NTM: variants seen among roughly 807,000 people sequenced by gnomAD.
The protein encoded by NTM is neurotrimin, also known as IgLON family member 2.
NTM carries 13 observed loss-of-function variants against 42.1 expected under a neutral mutation model. The ratio of observed to expected loss-of-function variants is 0.31; its 90% confidence interval spans 0.20 to 0.49. The LOEUF (loss-of-function observed/expected upper bound fraction) is 0.49, where lower values mean the gene tolerates loss of function less well. Ranked by LOEUF, NTM falls within the 20% of genes least tolerant of loss-of-function variation. NTM has a pLI of 0.99. For synonymous variants in NTM, 187 were observed against 179.2 expected (o/e 1.04, Z -0.35); for missense variants, 373 against 452.8 (o/e 0.82, Z 1.60).
At chr11:131,964,528 G>C (rs2062591603) in intron 2 of NTM, among the ~76,000 whole-genome samples, 1 of 152,154 alleles carries the variant, frequency 6.6e-6, no homozygotes. Context: ...TATTAAGCAA[G>C]TAGAGAAATT....
intron 1 of NTM, among the ~76,000 whole-genome samples, chr11:131,827,979 A>C (rs924127860): frequency 1.1e-4 from 16 of 152,104 alleles, no homozygotes; most frequent in African/African-American, 3.6e-4. Context: ...TTACTTTTCT[A>C]CATTTTGTAG....
chr11:131,540,148 A>C (rs2052981985), intron 1 of NTM, among the ~76,000 whole-genome samples: 1 of 141,056 alleles, frequency 7.1e-6, no homozygotes, highest in Non-Finnish European at 1.5e-5. Context: ...AAAGCTATTT[A>C]AGCTTGTTTT....
rs375888157 is a variant in NTM at position 132,213,835 on chromosome 11, C to T, written c.526+1688C>T. On this transcript the variant is annotated intron_variant, in intron 4 of 8. Coordinates refer to ENST00000683400, the MANE Select transcript of NTM (RefSeq NM_001352005.2). The stretch of plus-strand genomic sequence containing the variant: ...CTGCAAGCTCCGCCTCCCGGGTTCA[C>T]GCCATTCTCCCGCCTCAGCCTCCCA... 1.3e-4 allele frequency among the ~76,000 whole-genome samples: 9 copies of T among 70,872 alleles called. 3 individuals carry two copies. Among genetic ancestry groups the T allele is most frequent in the Non-Finnish European group, 2.9e-4 (8 of 27,758 alleles). The allele number at this position is 70,872 out of a possible 152,430, so 46.5% of individuals were successfully genotyped here. A position where few individuals can be genotyped will look rare whatever the true frequency, so the allele number is the denominator to read the frequency against.
Position 132,310,339 on chromosome 11 carries a change from C to T in NTM, c.782+107C>T, listed in dbSNP as rs991926772. The T allele has an allele frequency of 5.7e-4, 652 of 1,142,288 alleles. 4 individuals are homozygous for T. The highest frequency in any genetic ancestry group is 2.8e-4 in the East Asian group (10 of 36,246). 70.8% of individuals were successfully genotyped at this position (1,142,288 alleles called of 1,614,324 possible). A position where few individuals can be genotyped will look rare whatever the true frequency, so the allele number is the denominator to read the frequency against. On this transcript the variant is annotated intron_variant, in intron 6 of 8. Transcript: ENST00000683400. ...CAAACGAGTTCTATAAAATCCTCTT[C>T]TGAACTTATCTCTATAGGGGGCAAA...
chr11:131,741,162 T>TAGAGAGAGA (rs2081138877), intron 1 of NTM, among the ~76,000 whole-genome samples: 1 of 129,754 alleles, frequency 7.7e-6, no homozygotes, highest in East Asian at 2.3e-4. Flanking sequence ...AAGACCCCGT[T>TAGAGAGAGA]GAGAGAGAGA....
chr11:131,991,322 G>C (rs899069914), intron 2 of NTM, among the ~76,000 whole-genome samples: 1 of 152,102 alleles, frequency 6.6e-6, no homozygotes, highest in Non-Finnish European at 1.5e-5. Flanking sequence ...AGAGAGTCTT[G>C]TTTGGGAGTC....
At chr11:131,852,574 G>C (rs2045671488) in intron 1 of NTM, among the ~76,000 whole-genome samples, 1 of 152,168 alleles carries the variant, frequency 6.6e-6, no homozygotes, top group Non-Finnish European at 1.5e-5. Context: ...ATGGTCACCT[G>C]GCAGATGCTC....
At chr11:131,675,334 T>C (rs1218286488) in intron 1 of NTM, among the ~76,000 whole-genome samples, 2 of 152,236 alleles carry the variant, frequency 1.3e-5, no homozygotes, top group East Asian at 3.8e-4. Flanking sequence ...TTCTTATTAC[T>C]GGCTAGGATA....
At chr11:131,738,821 T>C (rs528191558) in intron 1 of NTM, among the ~76,000 whole-genome samples, 91 of 152,346 alleles carry the variant, frequency 6.0e-4, no homozygotes, top group African/African-American at 2.1e-3. Flanking sequence ...CCCTATAATA[T>C]GTTGAATGTA....
At chr11:131,570,251 C>A (rs1352975503) in intron 1 of NTM, among the ~76,000 whole-genome samples, 3 of 152,134 alleles carry the variant, frequency 2.0e-5, no homozygotes, top group African/African-American at 7.2e-5. Context: ...ATTTGTAAGG[C>A]CCCCAGGAAG....
Position 131,639,452 on chromosome 11 carries a change from A to AATTACACGT in NTM, c.82+268565_82+268573dup, listed in dbSNP as rs1305104181. On this transcript the variant is annotated intron_variant, in intron 1 of 8. Coordinates refer to ENST00000683400, the MANE Select transcript of NTM (RefSeq NM_001352005.2). ...TAAAGAAATCTTAGAAAACTAAAAA[A>AATTACACGT]ATTACACGTGCTGTCTTTGATATCA... 1.3e-3 allele frequency among the ~76,000 whole-genome samples: 202 copies of AATTACACGT among 152,350 alleles called. 2 individuals are homozygous for AATTACACGT. The highest frequency in any genetic ancestry group is 5.8e-4 in the East Asian group (3 of 5,182).
intron 1 of NTM, among the ~76,000 whole-genome samples, chr11:131,566,449 G>C (rs201254212): frequency 1.4e-5 from 2 of 146,568 alleles, no homozygotes; most frequent in East Asian, 4.0e-4. Flanking sequence ...GTGTGTGTGT[G>C]TCTGTGTGTG....
rs756494001 is a variant in NTM, at chr11:131,499,364, A to G, written c.82+128476A>G. On this transcript the variant is annotated intron_variant, in intron 1 of 8. Coordinates refer to ENST00000683400, the MANE Select transcript of NTM (RefSeq NM_001352005.2). ...GATGACTCCTTCATAGAGTGAGAGG[A>G]TGTTGCAACAGGAACAGTGCCTGCT... is the stretch of plus-strand genomic sequence containing the variant. Among the ~76,000 whole-genome samples the G allele has an allele frequency of 9.3e-4, 142 of 152,206 alleles. 2 individuals are homozygous for G. Among genetic ancestry groups the G allele is most frequent in the Non-Finnish European group, 4.6e-4 (31 of 68,012 alleles).
At chr11:131,501,002 T>C (rs2046750995) in intron 1 of NTM, among the ~76,000 whole-genome samples, 1 of 151,742 alleles carries the variant, frequency 6.6e-6, no homozygotes, top group Non-Finnish European at 1.5e-5. Flanking sequence ...TGTGACCCTA[T>C]AGTTATTAAG....
intron 1 of NTM, among the ~76,000 whole-genome samples, chr11:131,465,181 G>T (rs1215092983): frequency 2.6e-5 from 4 of 152,212 alleles, no homozygotes; most frequent in African/African-American, 9.6e-5. Context: ...GGTGACAAAT[G>T]AGTTTGCATT....
chr11:131,931,468 CGTGTGT>C (rs147069139), intron 2 of NTM, among the ~76,000 whole-genome samples: 4,155 of 142,680 alleles, frequency 0.029, 146 homozygotes, highest in African/African-American at 0.089. Context: ...ATAATATATA[CGTGTGT>C]GTGTGTGTGT....
intron 4 of NTM, among the ~76,000 whole-genome samples, chr11:132,283,815 G>A (rs996965879): frequency 2.6e-5 from 4 of 152,148 alleles, no homozygotes; most frequent in Non-Finnish European, 5.9e-5. Flanking sequence ...GGGCTTTAGA[G>A]GGAAAGTGGA....
At chr11:132,103,034 C>A (rs1214229320) in intron 2 of NTM, among the ~76,000 whole-genome samples, 1 of 152,216 alleles carries the variant, frequency 6.6e-6, no homozygotes, top group Non-Finnish European at 1.5e-5. Context: ...ATCTACATTG[C>A]AAATTGGCCC....
At chr11:131,939,589 G>A (rs2059584555) in intron 2 of NTM, among the ~76,000 whole-genome samples, 1 of 152,102 alleles carries the variant, frequency 6.6e-6, no homozygotes, top group South Asian at 2.1e-4. Flanking sequence ...GCAGAGGTGA[G>A]AGGTAGAGTA....
Sources: gnomAD v4.1 joint callset for allele counts (sites outside exome capture counted in the v4.1 genomes callset) on GRCh38, gnomAD v4.1.1 for gene constraint, MANE v1.5 for transcripts, NCBI Gene and HGNC (gene_info 2026-07-23, HGNC 2026-07-21) for gene names.